Variants in ABLIM1 observed in about 807,000 individuals in gnomAD.
ABLIM1 encodes the protein actin-binding LIM protein 1.
In ABLIM1, 40 loss-of-function variants were observed where a neutral mutation model predicts 107.0. The observed-to-expected ratio is 0.37, with a 90% CI of 0.29 to 0.49. ABLIM1 has a LOEUF of 0.49. ABLIM1 is among the 20% of genes least tolerant of loss of function. The pLI is 0.97. For synonymous variants in ABLIM1, 357 were observed against 357.3 expected (o/e 1.00, Z 0.01); for missense variants, 857 against 1,008.5 (o/e 0.85, Z 2.04).
At chr10:114,741,525 A>T (rs182885545) in intron 1 of ABLIM1, among the ~76,000 whole-genome samples, 1 of 152,226 alleles carries the variant, frequency 6.6e-6, no homozygotes, top group Admixed American at 6.5e-5. Flanking sequence ...TCGCCTGGCC[A>T]GCCTATTCTT....
At chr10:114,488,132 A>T in intron 7 of ABLIM1, 116 bp from the exon 8 acceptor site, 4 of 1,104,424 alleles carry the variant, frequency 3.6e-6, no homozygotes, top group Non-Finnish European at 5.5e-6. Flanking sequence ...GGAAGGTGTT[A>T]TTGCTTTATG....
intron 12 of ABLIM1, among the ~76,000 whole-genome samples, chr10:114,454,754 A>G (rs2062488942): frequency 6.6e-6 from 1 of 152,232 alleles, no homozygotes; most frequent in Admixed American, 6.5e-5. Context: ...TTGTCTCAAG[A>G]AGACACCAGA....
At chr10:114,593,274 G>A (rs1182588197) in intron 2 of ABLIM1, among the ~76,000 whole-genome samples, 2 of 152,140 alleles carry the variant, frequency 1.3e-5, no homozygotes, top group African/African-American at 4.8e-5. Flanking sequence ...CATGACCTTA[G>A]AGTTGTCAAG....
intron 3 of ABLIM1, among the ~76,000 whole-genome samples, chr10:114,572,121 C>T (rs946856429): frequency 1.3e-5 from 2 of 152,214 alleles, no homozygotes; most frequent in Non-Finnish European, 2.9e-5. Context: ...GGTCACCAGG[C>T]AGAGAGCCCT....
chr10:114,597,076 C>G (rs2075488221), intron 2 of ABLIM1, among the ~76,000 whole-genome samples: 1 of 152,186 alleles, frequency 6.6e-6, no homozygotes, highest in African/African-American at 2.4e-5. Flanking sequence ...ACATGCTCCC[C>G]ACCCAAAATC....
At chr10:114,704,275 T>TCTCTCTCG (rs2081364249) in intron 1 of ABLIM1, among the ~76,000 whole-genome samples, 1 of 23,314 alleles carries the variant, frequency 4.3e-5, no homozygotes, top group Non-Finnish European at 1.1e-4. Context: ...TCTCTCGCTC[T>TCTCTCTCG]CTCTCTCTCT....
chr10:114,529,950 C>G (rs919526504), intron 6 of ABLIM1, among the ~76,000 whole-genome samples: 1 of 152,070 alleles, frequency 6.6e-6, no homozygotes, highest in African/African-American at 2.4e-5. Flanking sequence ...TCCCTTGAAC[C>G]CGGGAGGCAG....
At chr10:114,644,302 A>T (rs1167798910) in intron 1 of ABLIM1, among the ~76,000 whole-genome samples, 204 of 72,178 alleles carry the variant, frequency 2.8e-3, no homozygotes, top group African/African-American at 0.012. Context: ...AAAAAAAAAA[A>T]AAAAATATAT....
the ABLIM1 span, among the ~76,000 whole-genome samples, chr10:114,799,080 G>A: frequency 1.3e-5 from 2 of 152,162 alleles, no homozygotes; most frequent in African/African-American, 4.8e-5. Flanking sequence ...TTACACGCAT[G>A]AGCCACTGTG....
chr10:114,798,591 A>C, the ABLIM1 span, among the ~76,000 whole-genome samples: 7,762 of 149,448 alleles, frequency 0.052, 689 homozygotes, highest in African/African-American at 0.18. Flanking sequence ...TTAAAAAAAA[A>C]ATTAGCCAGG....
chr10:114,444,118 C>A lies in ABLIM1; in HGVS notation c.1844G>T (p.Gly615Val). ...EQLMKLNSGLGQLILKEEMEK... is the reference protein window; with the variant it reads ...EQLMKLNSGLVQLILKEEMEK... Reference sequence around the variant, plus strand: ...CATCTCTTCTTTCAAGATCAACTGTCCCAGGCCTGAGTTAAGCTATTCACA... The same window carrying A: ...CATCTCTTCTTTCAAGATCAACTGTACCAGGCCTGAGTTAAGCTATTCACA... The change falls in exon 17 of 23, where the codon GGA becomes GTA. Residue 615 changes from glycine (G) to valine (V), a missense_variant. This residue lies in a region of ABLIM1 where 4 missense variants were observed against 18.7 expected (regional missense o/e 0.21). Coordinates refer to ENST00000533213, the MANE Select transcript of ABLIM1 (RefSeq NM_002313.7). 9.3e-6 allele frequency: 15 copies of A among 1,604,400 alleles called. No homozygotes were observed. Among genetic ancestry groups the A allele is most frequent in the Non-Finnish European group, 1.2e-5 (14 of 1,176,680 alleles).
At chr10:114,740,870 C>G (rs549436162) in intron 1 of ABLIM1, among the ~76,000 whole-genome samples, 19 of 151,750 alleles carry the variant, frequency 1.3e-4, no homozygotes, top group African/African-American at 4.1e-4. Flanking sequence ...ATGGTGAAGC[C>G]CCATATCTAC....
At position 114,765,053 on chromosome 10, in the gene ABLIM1, TTTTTC is replaced by T. The variant is rs201691957; in HGVS notation, c.-213+3003_-213+3007del. 4.3e-3 allele frequency: 662 copies of T among 152,516 alleles called. 10 individuals are homozygous for T. The highest frequency in any genetic ancestry group is 0.015 in the African/African-American group (619 of 41,516). 9.4% of individuals were successfully genotyped at this position (152,516 alleles called of 1,614,324 possible). A position where few individuals can be genotyped will look rare whatever the true frequency, so the allele number is the denominator to read the frequency against. On this transcript the variant is annotated intron_variant, in intron 1 of 15. Coordinates refer to the ABLIM1 transcript ENST00000651092. ...CCCTTAAGGGGGGCTGTTTTCTACT[TTTTTC>T]TTTTCTTTTCTTTTCTTTTTTTTGG...
chr10:114,733,184 A>G (rs1316251671), intron 1 of ABLIM1, among the ~76,000 whole-genome samples: 1 of 152,168 alleles, frequency 6.6e-6, no homozygotes, highest in African/African-American at 2.4e-5. Flanking sequence ...ATTGGGTGGG[A>G]TGCCAGGTAC....
intron 6 of ABLIM1, among the ~76,000 whole-genome samples, chr10:114,522,241 G>A (rs541078437): frequency 2.6e-5 from 4 of 152,242 alleles, no homozygotes; most frequent in East Asian, 1.9e-4. Context: ...AAACCCAGTC[G>A]AACACATGTT....
the ABLIM1 span, among the ~76,000 whole-genome samples, chr10:114,798,837 C>CGAGTG: frequency 2.6e-5 from 4 of 151,908 alleles, no homozygotes; most frequent in Admixed American, 2.6e-4. Context: ...CGCTCTGTCG[C>CGAGTG]CAGGCTGGAG....
At chr10:114,552,018 C>T (rs1485463974) in intron 4 of ABLIM1, among the ~76,000 whole-genome samples, 1 of 152,100 alleles carries the variant, frequency 6.6e-6, no homozygotes, top group Non-Finnish European at 1.5e-5. Flanking sequence ...CTCCTTCCTG[C>T]CAATCCCTAT....
chr10:114,625,585 CT>C (rs1210343904), intron 1 of ABLIM1, among the ~76,000 whole-genome samples: 15 of 152,094 alleles, frequency 9.9e-5, no homozygotes, highest in African/African-American at 3.4e-4. Context: ...AGGGATGCGC[CT>C]TCAAGGAGCT....
intron 6 of ABLIM1, among the ~76,000 whole-genome samples, chr10:114,526,383 T>C (rs979350959): frequency 2.0e-5 from 3 of 152,218 alleles, no homozygotes; most frequent in Non-Finnish European, 4.4e-5. Flanking sequence ...GTCAACGCAC[T>C]ACACTTCTCA....
Sources: allele counts gnomAD v4.1 joint callset (sites outside exome capture counted in the v4.1 genomes callset), GRCh38; gene constraint gnomAD v4.1.1; regional missense constraint gnomAD v4.1.1; transcripts MANE v1.5; gene names NCBI Gene and HGNC (gene_info 2026-07-23, HGNC 2026-07-21).